Variants in BEGAIN observed in about 807,000 individuals in gnomAD.
BEGAIN encodes the protein brain-enriched guanylate kinase-associated protein.
A neutral mutation model predicts 35.8 loss-of-function variants in BEGAIN; 19 were observed. That is an observed-to-expected ratio of 0.53 (90% confidence interval 0.37 to 0.78). The LOEUF (loss-of-function observed/expected upper bound fraction) is 0.78, where lower values mean the gene tolerates loss of function less well. Among genes scored for constraint, BEGAIN ranks in the 30% least tolerant of loss-of-function variants. BEGAIN has a pLI of 0.00. For synonymous variants in BEGAIN, 462 were observed against 388.6 expected (o/e 1.19, Z -2.22); for missense variants, 795 against 853.6 (o/e 0.93, Z 0.85).
intron 1 of BEGAIN, among the ~76,000 whole-genome samples, chr14:100,575,189 G>A (rs983506843): frequency 1.3e-5 from 2 of 152,092 alleles, no homozygotes; most frequent in Admixed American, 6.5e-5. Flanking sequence ...CTCAAGAAAC[G>A]GTCTGCAGGT....
intron 1 of BEGAIN, among the ~76,000 whole-genome samples, chr14:100,583,978 C>T (rs1195612347): frequency 6.6e-6 from 1 of 152,206 alleles, no homozygotes; most frequent in Non-Finnish European, 1.5e-5. Context: ...GGATTACAGG[C>T]GTGAGCCGCT....
rs779966785 is a variant in BEGAIN at position 100,537,927 on chromosome 14, G to A, written c.*42C>T. On this transcript the variant is annotated 3_prime_UTR_variant, in exon 7 of 7. Transcript: ENST00000554140. ...AGGCCGGCCCTTCTGGGGCACGTGG[G>A]CTGGCGGGGAGCGAACCACGGCCAG... The A allele has an allele frequency of 1.3e-6, 2 of 1,559,872 alleles. No individual in the cohort carries two copies. The highest frequency in any genetic ancestry group is 8.7e-7 in the Non-Finnish European group (1 of 1,153,596).
chr14:100,544,944 C>G (rs1371171374), intron 4 of BEGAIN, 56 bp downstream of exon 4: 1 of 1,575,648 alleles, frequency 6.3e-7, no homozygotes, highest in African/African-American at 1.3e-5. Flanking sequence ...AGCTGGGTGG[C>G]TCCCCCCGGG....
At chr14:100,578,944 T>C (rs1219680038) in intron 1 of BEGAIN, among the ~76,000 whole-genome samples, 2 of 149,544 alleles carry the variant, frequency 1.3e-5, no homozygotes, top group Admixed American at 1.4e-4. Context: ...TCACTGCAAC[T>C]TCCGCTCCCA....
intron 1 of BEGAIN, among the ~76,000 whole-genome samples, chr14:100,578,771 G>A (rs2035256239): frequency 6.6e-6 from 1 of 152,062 alleles, no homozygotes; most frequent in African/African-American, 2.4e-5. Flanking sequence ...ATAAAAGATG[G>A]AGGAGCAGAA....
intron 4 of BEGAIN, 58 bp from the exon 5 acceptor site, chr14:100,544,023 A>C (rs2032017822): frequency 7.5e-7 from 1 of 1,329,116 alleles, no homozygotes; most frequent in Non-Finnish European, 1.1e-6. Flanking sequence ...GAGCCAACCC[A>C]GTCGCTCGAT....
At chr14:100,570,414 T>C (rs2035041251) in intron 1 of BEGAIN, among the ~76,000 whole-genome samples, 1 of 152,206 alleles carries the variant, frequency 6.6e-6, no homozygotes, top group Non-Finnish European at 1.5e-5. Context: ...CTGGCTTTGA[T>C]GCTGCTGTAG....
intron 6 of BEGAIN, among the ~76,000 whole-genome samples, chr14:100,539,687 G>A (rs1254057551): frequency 6.8e-6 from 1 of 146,438 alleles, no homozygotes; most frequent in African/African-American, 2.5e-5. Flanking sequence ...TGTGCCCAGC[G>A]AGGGGTTGAC....
At chr14:100,550,432 G>A (rs908262349) in intron 2 of BEGAIN, 1 of 399,196 alleles carries the variant, frequency 2.5e-6, no homozygotes, top group Non-Finnish European at 4.4e-6. Flanking sequence ...GTCCCAGATG[G>A]AGGGCGAGGA....
Position 100,567,609 on chromosome 14 carries a change from G to A in BEGAIN, c.71+302C>T, listed in dbSNP as rs1218952546. On this transcript the variant is annotated intron_variant, in intron 2 of 6. Transcript: ENST00000554140. The surrounding 1 kb of genome is among the most constrained non-coding windows in gnomAD (Gnocchi z 5.1). ...AGAGTCCAGGGCAGGGAGCCAGAGG[G>A]GCGCTGAGGACCGCACAGGACCAGG... 6.6e-6 allele frequency among the ~76,000 whole-genome samples: 1 copy of A among 151,852 alleles called. No individual in the cohort carries two copies. The highest frequency in any genetic ancestry group is 1.5e-5 in the Non-Finnish European group (1 of 67,858).
chr14:100,568,124 G>A lies in BEGAIN; in HGVS notation c.43-185C>T, dbSNP rs1239910807. 15 of 1,011,956 alleles carry A rather than the reference G, an allele frequency of 1.5e-5. No homozygotes were observed. Among genetic ancestry groups the A allele is most frequent in the Non-Finnish European group, 1.8e-5 (15 of 847,980 alleles). 62.7% of individuals were successfully genotyped at this position (1,011,956 alleles called of 1,614,324 possible). ...GCCCCCGTGACTCAGTGGGCGCGCC[G>A]GGCCGCGGCCGAGTAACAGGTGAGC... is the stretch of plus-strand genomic sequence containing the variant. On this transcript the variant is annotated intron_variant, in intron 1 of 6. Transcript: ENST00000554140. This position sits in a 1 kb window ranked among gnomAD's most constrained non-coding sequence, Gnocchi z 7.5.
Position 100,568,017 on chromosome 14 carries a change from C to A in BEGAIN, c.43-78G>T. ...CCGCGCCGGGCAGAGCCGGGCACAGCGGGCACGGCCGGGCAACCCCGCGGG... is the reference window on the plus strand; with the variant it reads ...CCGCGCCGGGCAGAGCCGGGCACAGAGGGCACGGCCGGGCAACCCCGCGGG... On this transcript the variant is annotated intron_variant, in intron 1 of 6. Transcript: ENST00000554140. This position sits in a 1 kb window ranked among gnomAD's most constrained non-coding sequence, Gnocchi z 7.5. The A allele has an allele frequency of 8.1e-7, 1 of 1,241,330 alleles. No individual in the cohort carries two copies. The allele number at this position is 1,241,330 out of a possible 1,614,324, so 76.9% of individuals were successfully genotyped here.
chr14:100,562,821 G>A (rs1161381885), intron 2 of BEGAIN, among the ~76,000 whole-genome samples: 1 of 152,146 alleles, frequency 6.6e-6, no homozygotes, highest in African/African-American at 2.4e-5. Context: ...CGCAGCACTT[G>A]TCACCGTGAT....
chr14:100,574,298 C>T (rs574740205), intron 1 of BEGAIN, among the ~76,000 whole-genome samples: 182 of 152,334 alleles, frequency 1.2e-3, no homozygotes, highest in African/African-American at 4.3e-3. Flanking sequence ...GAATGTCCTT[C>T]CCCTGGGGAA....
intron 2 of BEGAIN, among the ~76,000 whole-genome samples, chr14:100,553,667 C>T (rs1354556525): frequency 6.6e-6 from 1 of 152,148 alleles, no homozygotes; most frequent in Non-Finnish European, 1.5e-5. Flanking sequence ...AGGCTTTGCT[C>T]AGATGCCACC....
chr14:100,568,190 C>G lies in BEGAIN; in HGVS notation c.43-251G>C, dbSNP rs2034882298. ...CGCTCCCCGCACCGAGTTACGCCCC[C>G]CGGGGCGAAGAAGGGGCCGGCCCGG... On this transcript the variant is annotated intron_variant, in intron 1 of 6. Coordinates refer to ENST00000554140, the MANE Select transcript of BEGAIN (RefSeq NM_001385089.1). This position sits in a 1 kb window ranked among gnomAD's most constrained non-coding sequence, Gnocchi z 7.5. The G allele has an allele frequency of 2.5e-6, 2 of 814,672 alleles. No individual in the cohort carries two copies. Among genetic ancestry groups the G allele is most frequent in the Non-Finnish European group, 3.0e-6 (2 of 666,796 alleles). The allele number at this position is 814,672 out of a possible 1,614,324, so 50.5% of individuals were successfully genotyped here. A position where few individuals can be genotyped will look rare whatever the true frequency, so the allele number is the denominator to read the frequency against.
intron 2 of BEGAIN, chr14:100,550,348 C>CA (rs1198881115): frequency 3.3e-5 from 13 of 398,584 alleles, no homozygotes; most frequent in Middle Eastern, 1.2e-3. Flanking sequence ...GAGTTGGACA[C>CA]AGACACGGGA....
At chr14:100,579,708 C>T (rs533709423) in intron 1 of BEGAIN, among the ~76,000 whole-genome samples, 6 of 152,192 alleles carry the variant, frequency 3.9e-5, no homozygotes, top group Non-Finnish European at 8.8e-5. Context: ...CCCAAAGCGC[C>T]CCTGACTGAG....
At chr14:100,555,970 A>C (rs1015276993) in intron 2 of BEGAIN, among the ~76,000 whole-genome samples, 1 of 152,000 alleles carries the variant, frequency 6.6e-6, no homozygotes, top group Non-Finnish European at 1.5e-5. Context: ...AGACACATGC[A>C]TGCATGTGCG....
Sources: gnomAD v4.1 joint callset for allele counts (sites outside exome capture counted in the v4.1 genomes callset) on GRCh38, gnomAD v4.1.1 for gene constraint, Gnocchi (gnomAD v3.1) non-coding constraint, MANE v1.5 for transcripts, NCBI Gene and HGNC (gene_info 2026-07-23, HGNC 2026-07-21) for gene names.